Variants in SCAPER observed in about 807,000 individuals in gnomAD.
SCAPER encodes S-phase cyclin A associated protein in the ER.
Under a neutral mutation model 182.2 loss-of-function variants are expected in SCAPER, and 98 were observed. The observed-to-expected ratio is 0.54, with a 90% CI of 0.46 to 0.64. The LOEUF is 0.64. Ranked by LOEUF, SCAPER falls within the 30% of genes least tolerant of loss-of-function variation. SCAPER has a pLI of 0.00. For synonymous variants in SCAPER, 605 were observed against 564.6 expected (o/e 1.07, Z -1.01); for missense variants, 1,432 against 1,690.0 (o/e 0.85, Z 2.68).
chr15:76,829,634 C>T lies in SCAPER; in HGVS notation c.393+12100G>A, dbSNP rs866014493. 2.0e-5 allele frequency among the ~76,000 whole-genome samples: 3 copies of T among 152,044 alleles called. No homozygotes were observed. The East Asian group carries it at 5.8e-4, about 30-fold the overall frequency. ...AATGCATCTGCTTGAAGAACATTAG[C>T]GCAAGATTAATCCATATACCCACCA... On this transcript the variant is annotated intron_variant, in intron 5 of 31. Coordinates refer to ENST00000563290, the MANE Select transcript of SCAPER (RefSeq NM_020843.4).
chr15:76,729,287 T>TACAC (rs1356191595), intron 16 of SCAPER, among the ~76,000 whole-genome samples: 3,390 of 128,496 alleles, frequency 0.026, 128 homozygotes, highest in African/African-American at 0.11. Context: ...CACACATATA[T>TACAC]ATACACATAC....
At chr15:76,823,904 GAAAA>G (rs199911012) in intron 5 of SCAPER, among the ~76,000 whole-genome samples, 2 of 132,310 alleles carry the variant, frequency 1.5e-5, no homozygotes, top group Admixed American at 1.5e-4. Flanking sequence ...TTTCTTTTTG[GAAAA>G]AAAAAAAAAA....
chr15:76,550,660 T>C (rs987976951), intron 23 of SCAPER, among the ~76,000 whole-genome samples: 8 of 152,228 alleles, frequency 5.3e-5, no homozygotes, highest in African/African-American at 1.4e-4. Flanking sequence ...AACATACGTG[T>C]GCATGTATCT....
intron 15 of SCAPER, among the ~76,000 whole-genome samples, chr15:76,746,239 G>C (rs1415787977): frequency 3.9e-5 from 6 of 152,176 alleles, no homozygotes; most frequent in Non-Finnish European, 5.9e-5. Flanking sequence ...GTATCCATGG[G>C]GGATTGATTC....
chr15:76,847,239 CAAAAAAATG>C (rs1460001067), intron 4 of SCAPER, among the ~76,000 whole-genome samples: 2 of 151,694 alleles, frequency 1.3e-5, no homozygotes, highest in African/African-American at 4.8e-5. Context: ...TTAATGGGTA[CAAAAAAATG>C]GAAAGAATGG....
chr15:76,498,930 A>G (rs918444149), intron 24 of SCAPER, among the ~76,000 whole-genome samples: 3 of 152,206 alleles, frequency 2.0e-5, no homozygotes, highest in African/African-American at 7.2e-5. Flanking sequence ...AGATAAATGC[A>G]TATACTGTAA....
chr15:76,424,337 T>G (rs138915355), intron 26 of SCAPER, among the ~76,000 whole-genome samples: 1 of 152,230 alleles, frequency 6.6e-6, no homozygotes, highest in African/African-American at 2.4e-5. Context: ...GATAGTTAGC[T>G]CTTCTTGTTG....
intron 20 of SCAPER, among the ~76,000 whole-genome samples, chr15:76,666,890 CCTAT>C (rs2056612577): frequency 6.6e-6 from 1 of 152,152 alleles, no homozygotes; most frequent in Non-Finnish European, 1.5e-5. Context: ...AACACCTGTT[CCTAT>C]CTAAGAGCAA....
intron 15 of SCAPER, among the ~76,000 whole-genome samples, chr15:76,747,336 T>C (rs1480612603): frequency 2.6e-5 from 4 of 151,922 alleles, no homozygotes; most frequent in African/African-American, 9.7e-5. Flanking sequence ...ACTCCATCTC[T>C]ACTAAAAATA....
At chr15:76,671,695 G>C (rs921289087) in intron 20 of SCAPER, among the ~76,000 whole-genome samples, 1 of 151,914 alleles carries the variant, frequency 6.6e-6, no homozygotes, top group African/African-American at 2.4e-5. Flanking sequence ...GTGTGAACCC[G>C]GGAGGCGGAG....
intron 23 of SCAPER, among the ~76,000 whole-genome samples, chr15:76,539,694 C>T (rs1295608946): frequency 5.9e-5 from 9 of 152,014 alleles, no homozygotes; most frequent in Non-Finnish European, 1.2e-4. Context: ...TACAGGCGCC[C>T]GCCACCTCAC....
At position 76,358,785 on chromosome 15, in the gene SCAPER, C is replaced by T. The variant is rs543993053; in HGVS notation, c.3856-4645G>A. On this transcript the variant is annotated intron_variant, in intron 29 of 31. Transcript: ENST00000563290. ...ACAATCCTCATCATTTCTCATCAACCTCAGCCGGAATTATGTTCCATTAGA... is the reference window on the plus strand; with the variant it reads ...ACAATCCTCATCATTTCTCATCAACTTCAGCCGGAATTATGTTCCATTAGA... 9.8e-5 allele frequency among the ~76,000 whole-genome samples: 15 copies of T among 152,334 alleles called. No homozygotes were observed. In the South Asian group the frequency reaches 3.1e-3, roughly 32 times the overall value.
rs185702457 is a variant in SCAPER at position 76,722,143 on chromosome 15, T to C, written c.2165+6452A>G. 4.4e-3 allele frequency among the ~76,000 whole-genome samples: 666 copies of C among 152,316 alleles called. 7 individuals are homozygous for C. Among genetic ancestry groups the C allele is most frequent in the African/African-American group, 0.015 (633 of 41,574 alleles). On this transcript the variant is annotated intron_variant, in intron 17 of 31. Coordinates refer to ENST00000563290, the MANE Select transcript of SCAPER (RefSeq NM_020843.4). ...TGAGAATTTTTAGCATGAAGGGTTG[T>C]TGAATTTTGTCAAAGGCCTTTTCTG...
chr15:76,423,881 A>G (rs916928906), intron 26 of SCAPER, among the ~76,000 whole-genome samples: 1 of 152,232 alleles, frequency 6.6e-6, no homozygotes, highest in Non-Finnish European at 1.5e-5. Flanking sequence ...TTATTTACCC[A>G]GTAGTCATTC....
chr15:76,887,447 C>T (rs1474142419), intron 1 of SCAPER, among the ~76,000 whole-genome samples: 1 of 152,142 alleles, frequency 6.6e-6, no homozygotes, highest in Non-Finnish European at 1.5e-5. Flanking sequence ...TACACTCTCG[C>T]CCAAATACCG....
chr15:76,440,218 T>G (rs17363364), intron 25 of SCAPER, among the ~76,000 whole-genome samples: 26,556 of 152,200 alleles, frequency 0.17, 2,835 homozygotes, highest in Middle Eastern at 0.26. Flanking sequence ...CTGGTGCCGA[T>G]TCTCTAAACT....
rs2058720434 is a variant in SCAPER, at chr15:76,697,629, T to C, written c.2508+4129A>G. ...ATAATATTTTTAGCTGTTTTATTAA[T>C]GGAAATTAATTACAAATAATTTTTT... On this transcript the variant is annotated intron_variant, in intron 20 of 31. Transcript: ENST00000563290. Among the ~76,000 whole-genome samples the C allele has an allele frequency of 2.0e-5, 3 of 152,218 alleles. No individual in the cohort carries two copies. The South Asian group carries it at 6.2e-4, about 32-fold the overall frequency.
chr15:76,467,796 C>T (rs186984957), intron 25 of SCAPER, among the ~76,000 whole-genome samples: 1 of 152,142 alleles, frequency 6.6e-6, no homozygotes, highest in Admixed American at 6.6e-5. Context: ...GAACTGTGTC[C>T]AGTTCACCTC....
At chr15:76,396,030 G>T (rs2044027453) in intron 27 of SCAPER, among the ~76,000 whole-genome samples, 1 of 152,152 alleles carries the variant, frequency 6.6e-6, no homozygotes, top group Admixed American at 6.5e-5. Flanking sequence ...AGAGACAGGG[G>T]TCTAGTTTCA....
Sources: gnomAD v4.1 joint callset for allele counts (sites outside exome capture counted in the v4.1 genomes callset) on GRCh38, gnomAD v4.1.1 for gene constraint, MANE v1.5 for transcripts, NCBI Gene and HGNC (gene_info 2026-07-23, HGNC 2026-07-21) for gene names.